TNRC6A: variants seen among roughly 807,000 people sequenced by gnomAD.
TNRC6A encodes the protein trinucleotide repeat-containing gene 6A protein.
TNRC6A carries 44 observed loss-of-function variants against 221.2 expected under a neutral mutation model. That is an observed-to-expected ratio of 0.20 (90% CI 0.16 to 0.26). The LOEUF (loss-of-function observed/expected upper bound fraction) is 0.26, where lower values mean the gene tolerates loss of function less well. Ranked by LOEUF, TNRC6A falls within the 10% of genes least tolerant of loss-of-function variation. The probability of loss-of-function intolerance (pLI) is 1.00; values close to 1 mark genes in which losing one functional copy is unlikely to be tolerated. For synonymous variants in TNRC6A, 847 were observed against 838.5 expected (o/e 1.01, Z -0.18); for missense variants, 2,199 against 2,404.4 (o/e 0.91, Z 1.79).
intron 1 of TNRC6A, among the ~76,000 whole-genome samples, chr16:24,614,068 A>G (rs1204908493): frequency 6.6e-6 from 1 of 152,174 alleles, no homozygotes; most frequent in Admixed American, 6.5e-5. Flanking sequence ...GTCTGCTGGC[A>G]GGTTGGTTCA....
At chr16:24,788,652 T>C (rs2058025950) in intron 5 of TNRC6A, among the ~76,000 whole-genome samples, 1 of 149,416 alleles carries the variant, frequency 6.7e-6, no homozygotes, top group South Asian at 2.1e-4. Flanking sequence ...AAAATTCTTT[T>C]TTTTTTTTTT....
At chr16:24,665,236 A>T (rs2055133778) in intron 2 of TNRC6A, among the ~76,000 whole-genome samples, 1 of 151,284 alleles carries the variant, frequency 6.6e-6, no homozygotes, top group South Asian at 2.1e-4. Context: ...AAACTGGCTA[A>T]TTTTTTTTTA....
chr16:24,804,758 C>T lies in TNRC6A; in HGVS notation c.3891C>T (p.Ser1297=), dbSNP rs201616349. The change falls in exon 13 of 25, where the codon AGC becomes AGT. Residue 1297 remains serine, a synonymous_variant. Coordinates refer to ENST00000395799, the MANE Select transcript of TNRC6A (RefSeq NM_014494.4). The part of the protein sequence containing the change: ...SQNMQFMSSQ[S]MKLPPSNSAL... The stretch of plus-strand genomic sequence containing the variant: ...ACATGCAGTTTATGTCCAGTCAAAG[C>T]ATGAAGCTTCCCCCTTCAAATAGTG... The T allele has an allele frequency of 1.4e-5, 22 of 1,609,048 alleles. No individual in the cohort carries two copies.
intron 2 of TNRC6A, 122 bp downstream of exon 2, chr16:24,730,422 T>C: frequency 8.4e-7 from 1 of 1,192,044 alleles, no homozygotes; most frequent in Non-Finnish European, 1.2e-6. Flanking sequence ...AGAGCAGACA[T>C]TCGGGAGAAG....
intron 1 of TNRC6A, among the ~76,000 whole-genome samples, chr16:24,637,331 C>T (rs890424676): frequency 6.6e-6 from 1 of 152,138 alleles, no homozygotes; most frequent in Non-Finnish European, 1.5e-5. Flanking sequence ...TCGTGCCCAG[C>T]CTGTTGCAGT....
intron 1 of TNRC6A, among the ~76,000 whole-genome samples, chr16:24,640,626 G>A (rs922839145): frequency 6.6e-6 from 1 of 151,680 alleles, no homozygotes; most frequent in Non-Finnish European, 1.5e-5. Context: ...CTACTTGGGA[G>A]GCTGTGGCAG....
intron 2 of TNRC6A, among the ~76,000 whole-genome samples, chr16:24,744,248 A>G (rs778352873): frequency 1.4e-4 from 21 of 152,248 alleles, no homozygotes; most frequent in Middle Eastern, 3.4e-3. Context: ...ATTATTGGTG[A>G]TGGTTAACTT....
In TNRC6A at chr16:24,701,333, G is replaced by T. The variant is rs1454379919; in HGVS notation, n.403-49393G>T. Among the ~76,000 whole-genome samples, 3 of 151,220 alleles carry T rather than the reference G, an allele frequency of 2.0e-5. No homozygotes were observed. In the South Asian group the frequency reaches 6.2e-4, roughly 31 times the overall value. ...TGCTCCCAAGCCTCTCTGAGTCTGA[G>T]TTCCCTCTCCCACCCACCTTACTAA... On this transcript the variant is annotated intron_variant and non_coding_transcript_variant, in intron 2 of 2. Coordinates refer to the TNRC6A transcript ENST00000566108.
intron 2 of TNRC6A, among the ~76,000 whole-genome samples, chr16:24,643,580 T>G (rs1902112093): frequency 6.6e-6 from 1 of 152,182 alleles, no homozygotes; most frequent in African/African-American, 2.4e-5. Flanking sequence ...CTGCTTATTC[T>G]TCTGTTCGGA....
intron 4 of TNRC6A, among the ~76,000 whole-genome samples, chr16:24,773,111 A>G (rs562688749): frequency 6.6e-6 from 1 of 152,092 alleles, no homozygotes; most frequent in South Asian, 2.1e-4. Context: ...TCTCTTTTAT[A>G]TTTACTAATT....
At chr16:24,797,343 T>C in intron 9 of TNRC6A, 147 bp from the exon 10 acceptor site, 1 of 541,020 alleles carries the variant, frequency 1.8e-6, no homozygotes, top group South Asian at 3.3e-5. Context: ...TTTTTAATTA[T>C]TAACAACTCT....
intron 20 of TNRC6A, 59 bp downstream of exon 20, chr16:24,817,015 C>T: frequency 6.5e-7 from 1 of 1,531,464 alleles, no homozygotes; most frequent in Non-Finnish European, 8.8e-7. Flanking sequence ...AAGAATGGCT[C>T]ATGTAGTACC....
chr16:24,685,909 G>C (rs1432401648), intron 2 of TNRC6A, among the ~76,000 whole-genome samples: 1 of 152,218 alleles, frequency 6.6e-6, no homozygotes, highest in African/African-American at 2.4e-5. Flanking sequence ...GAAGGAGACA[G>C]AGGTCTTAGG....
chr16:24,800,077 C>G (rs1469393819), intron 11 of TNRC6A, among the ~76,000 whole-genome samples: 2 of 152,152 alleles, frequency 1.3e-5, no homozygotes, highest in African/African-American at 2.4e-5. Context: ...CTGTAGCAGT[C>G]TTCATCTTCC....
intron 10 of TNRC6A, 104 bp from the exon 11 acceptor site, chr16:24,797,811 C>A: frequency 1.9e-6 from 2 of 1,032,984 alleles, no homozygotes; most frequent in Non-Finnish European, 1.4e-6. Context: ...CTTTATGATC[C>A]ACTTGAATTT....
At position 24,805,102 on chromosome 16, in the gene TNRC6A, C is replaced by G. The variant is rs774309259; in HGVS notation, c.4073C>G (p.Ser1358Cys). The change falls in exon 14 of 25, where the codon TCT becomes TGT. Residue 1358 changes from serine (S) to cysteine (C), a missense_variant. This residue lies in a region of TNRC6A where 449 missense variants were observed against 579.7 expected (regional missense o/e 0.77). Transcript: ENST00000395799. The part of the protein sequence containing the change: ...QQPPAQPLSS[S>C]QPNLRAQVPP... ...CCTCCAGCACAACCTCTTAGTTCAT[C>G]TCAGCCTAATCTCCGTGCTCAAGTG... 1.5e-5 allele frequency: 24 copies of G among 1,614,224 alleles called. No individual in the cohort carries two copies. The East Asian group carries it at 5.3e-4, about 36-fold the overall frequency.
chr16:24,631,069 G>A (rs1901309331), intron 1 of TNRC6A, among the ~76,000 whole-genome samples: 1 of 151,886 alleles, frequency 6.6e-6, no homozygotes, highest in Non-Finnish European at 1.5e-5. Flanking sequence ...TCATTCTGGA[G>A]AAGAACTCTT....
At chr16:24,698,370 T>C (rs1210356412) in intron 2 of TNRC6A, among the ~76,000 whole-genome samples, 1 of 152,090 alleles carries the variant, frequency 6.6e-6, no homozygotes. Context: ...AAATGCCATT[T>C]GAGGCACCAG....
chr16:24,753,687 G>A (rs1437266225), intron 3 of TNRC6A, among the ~76,000 whole-genome samples: 1 of 152,192 alleles, frequency 6.6e-6, no homozygotes, highest in Admixed American at 6.5e-5. Flanking sequence ...GGAGCCAGCA[G>A]GTGTATCCAG....
Sources: gnomAD v4.1 joint callset for allele counts (sites outside exome capture counted in the v4.1 genomes callset) on GRCh38, gnomAD v4.1.1 for gene constraint, gnomAD v4.1.1 regional missense constraint, MANE v1.5 for transcripts, NCBI Gene and HGNC (gene_info 2026-07-23, HGNC 2026-07-21) for gene names.